IFT46: variants seen among roughly 807,000 people sequenced by gnomAD.
The protein encoded by IFT46 is intraflagellar transport protein 46 homolog.
A neutral mutation model predicts 39.6 loss-of-function variants in IFT46; 19 were observed. The ratio of observed to expected loss-of-function variants is 0.48; its 90% CI spans 0.33 to 0.70. The LOEUF is 0.70. Among genes scored for constraint, IFT46 ranks in the 30% least tolerant of loss-of-function variants. IFT46 has a pLI of 0.01. For missense variants in IFT46, 334 were observed against 364.8 expected (o/e 0.92, Z 0.69); for synonymous variants, 117 against 134.8 (o/e 0.87, Z 0.91).
intron 2 of IFT46, among the ~76,000 whole-genome samples, chr11:118,561,904 G>A (rs188975319): frequency 2.4e-4 from 36 of 152,242 alleles, no homozygotes; most frequent in Admixed American, 2.0e-3. Context: ...TCTAAGAGGC[G>A]GAGGCAGGCA....
At chr11:118,574,995 T>C (rs1434642824), upstream of IFT46, among the ~76,000 whole-genome samples, 1 of 152,164 alleles carries the variant, frequency 6.6e-6, no homozygotes, top group African/African-American at 2.4e-5. Context: ...TTGTTTGGTT[T>C]TCGAGACGGA....
intron 6 of IFT46, 29 bp downstream of exon 6, chr11:118,554,961 G>A: frequency 6.9e-7 from 1 of 1,453,728 alleles, no homozygotes; most frequent in Non-Finnish European, 9.7e-7. Context: ...AACACTTAAG[G>A]AGTCATTTTC....
exon 1 of IFT46, chr11:118,572,907 T>G: frequency 6.9e-6 from 2 of 288,150 alleles, no homozygotes; most frequent in Non-Finnish European, 6.5e-6. Context: ...GTCCCGCCGG[T>G]TCCCTGGCGC....
At chr11:118,576,245 A>G (rs1417471885), upstream of IFT46, among the ~76,000 whole-genome samples, 1 of 151,918 alleles carries the variant, frequency 6.6e-6, no homozygotes, top group Non-Finnish European at 1.5e-5. Flanking sequence ...TAGTGTACTC[A>G]AACCATGTAA....
exon 1 of IFT46, chr11:118,572,828 C>A: frequency 4.7e-6 from 2 of 426,476 alleles, no homozygotes; most frequent in Non-Finnish European, 8.4e-6. Flanking sequence ...GACGGCCCGG[C>A]GTTTTTGCTC....
chr11:118,552,217 G>T lies in IFT46; in HGVS notation c.602C>A (p.Thr201Asn). The change falls in exon 8 of 12, where the codon ACC becomes AAC. Residue 201 changes from threonine to asparagine, a missense_variant. Transcript: ENST00000264021. ...RSKPPATVHY[T>N]RPMPDIDTLM... ...CAAAGAATGTGGTATTTCTTACCTG[G>T]TGTAGTGCACAGTCGCAGGGGGCTT... 1 of 1,614,094 alleles carries T rather than the reference G, an allele frequency of 6.2e-7. No individual in the cohort carries two copies. The highest frequency in any genetic ancestry group is 8.5e-7 in the Non-Finnish European group (1 of 1,180,010).
chr11:118,545,658 C>A, intron 10 of IFT46, 135 bp downstream of exon 10: 1 of 1,143,922 alleles, frequency 8.7e-7, no homozygotes. Flanking sequence ...CCTTTGAGTG[C>A]TGCCAAAGAG....
At chr11:118,569,450 A>G (rs1269435576), upstream of IFT46, among the ~76,000 whole-genome samples, 2 of 151,984 alleles carry the variant, frequency 1.3e-5, no homozygotes, top group Non-Finnish European at 2.9e-5. Flanking sequence ...TTTTTAATGA[A>G]AAAAAACTTT....
chr11:118,557,832 A>T lies in IFT46; in HGVS notation c.46-787T>A, dbSNP rs370671040. ...CTTGAGACTTGCAGGGGCAGGTGGA[A>T]CAGGGTCCATGTCTTTGCCTCTGTG... On this transcript the variant is annotated intron_variant, in intron 3 of 11. Coordinates refer to ENST00000264021, the MANE Select transcript of IFT46 (RefSeq NM_001168618.2). 6.8e-6 allele frequency: 11 copies of T among 1,613,986 alleles called. No homozygotes were observed. The highest frequency in any genetic ancestry group is 9.3e-6 in the Non-Finnish European group (11 of 1,180,024).
At chr11:118,554,763 T>C (rs959936803) in intron 6 of IFT46, among the ~76,000 whole-genome samples, 176 bp from the exon 7 acceptor site, 4 of 152,186 alleles carry the variant, frequency 2.6e-5, no homozygotes, top group East Asian at 1.9e-4. Flanking sequence ...CCTGTTGTCA[T>C]AGATAATTAG....
Position 118,544,995 on chromosome 11 carries a change from G to C in IFT46, c.836C>G (p.Ala279Gly), listed in dbSNP as rs1951641287. 6.2e-7 allele frequency: 1 copy of C among 1,612,260 alleles called. No homozygotes were observed. Among genetic ancestry groups the C allele is most frequent in the Non-Finnish European group, 8.5e-7 (1 of 1,178,794 alleles). The change falls in exon 12 of 12, where the codon GCT (alanine) becomes GGT (glycine). Residue 279 changes from alanine to glycine, a missense_variant. Ala to Gly is a moderately conservative substitution (Grantham distance 60). Transcript: ENST00000264021. ...FKNSQHFKAL[A>G]EGKKAFTPSS... ...AGGAGTGAATGCTTTCTTGCCTTCAGCGAGAGCTTTAAAATGCTGCAAGGA... is the reference window on the plus strand; with the variant it reads ...AGGAGTGAATGCTTTCTTGCCTTCACCGAGAGCTTTAAAATGCTGCAAGGA...
rs1399998337 is a variant in IFT46, at chr11:118,572,329, T to A, written c.-133+267A>T. The A allele has an allele frequency of 1.6e-5, 8 of 486,974 alleles. No homozygotes were observed. In the East Asian group the frequency reaches 2.7e-4, roughly 16 times the overall value. 30.2% of individuals were successfully genotyped at this position (486,974 alleles called of 1,614,324 possible). ...TAACCGGAGCGGGGTACCCTCAATTTCCCCAGCCCACAGGCCCCGCCCCCC... is the reference window on the plus strand; with the variant it reads ...TAACCGGAGCGGGGTACCCTCAATTACCCCAGCCCACAGGCCCCGCCCCCC... On this transcript the variant is annotated intron_variant, in intron 1 of 5. Coordinates refer to the IFT46 transcript ENST00000528378.
chr11:118,553,710 T>C (rs1056560641), intron 7 of IFT46, among the ~76,000 whole-genome samples: 1 of 152,170 alleles, frequency 6.6e-6, no homozygotes, highest in Non-Finnish European at 1.5e-5. Context: ...TATACAAATA[T>C]TCAAAGCACC....
In IFT46 at chr11:118,572,431, C is replaced by T. The variant is rs868983687; in HGVS notation, c.-133+165G>A. On this transcript the variant is annotated intron_variant, in intron 1 of 5. Transcript: ENST00000528378. ...GCCATCTTGGCAAGAGGCGAAGCGG[C>T]AGCGGTTCCTGTCAAGGGGGCAGCA... 7.8e-6 allele frequency: 8 copies of T among 1,020,686 alleles called. No homozygotes were observed. In the Middle Eastern group the frequency reaches 1.4e-3, roughly 175 times the overall value. 63.2% of individuals were successfully genotyped at this position (1,020,686 alleles called of 1,614,324 possible). A position where few individuals can be genotyped will look rare whatever the true frequency, so the allele number is the denominator to read the frequency against.
At chr11:118,556,731 G>A (rs564826729) in intron 4 of IFT46, among the ~76,000 whole-genome samples, 175 bp downstream of exon 4, 142 of 152,272 alleles carry the variant, frequency 9.3e-4, no homozygotes, top group African/African-American at 3.3e-3. Context: ...AGGTAGTGGA[G>A]TCAGAAAGGG....
At chr11:118,569,256 G>GA (rs555271691), upstream of IFT46, among the ~76,000 whole-genome samples, 1,868 of 151,368 alleles carry the variant, frequency 0.012, 44 homozygotes, top group African/African-American at 0.043. Context: ...TCCAGCCCGG[G>GA]CAACAAAAGC....
chr11:118,545,630 C>T (rs536310786), intron 10 of IFT46, 136 bp from the exon 11 acceptor site: 429 of 1,060,904 alleles, frequency 4.0e-4, no homozygotes, highest in Admixed American at 7.4e-4. Flanking sequence ...AGCAGGTAGT[C>T]ACATAAGCCA....
At chr11:118,564,888 T>A (rs1555071188) in intron 2 of IFT46, 77 bp downstream of exon 2, 2 of 152,622 alleles carry the variant, frequency 1.3e-5, no homozygotes, top group African/African-American at 2.4e-5. Flanking sequence ...TTTGCTATTA[T>A]AAAATAAGAA....
At chr11:118,569,121 T>C (rs184978997), upstream of IFT46, among the ~76,000 whole-genome samples, 168 of 148,218 alleles carry the variant, frequency 1.1e-3, 3 homozygotes, top group East Asian at 0.012. Context: ...CTACTAAAAA[T>C]ACAAAAAACT....
Sources: allele counts gnomAD v4.1 joint callset (sites outside exome capture counted in the v4.1 genomes callset), GRCh38; gene constraint gnomAD v4.1.1; transcripts MANE v1.5; gene names NCBI Gene and HGNC (gene_info 2026-07-23, HGNC 2026-07-21).